Variants in TMEM71 observed in about 807,000 individuals in gnomAD.
TMEM71 encodes transmembrane protein 71.
Under a neutral mutation model 38.0 loss-of-function variants are expected in TMEM71, and 44 were observed. The ratio of observed to expected loss-of-function variants is 1.16; its 90% CI spans 0.91 to 1.49. TMEM71 has a LOEUF of 1.49. Ranked by LOEUF, TMEM71 falls within the 40% of genes most tolerant of loss-of-function variation. TMEM71 has a pLI of 0.00. For synonymous variants in TMEM71, 133 were observed against 122.5 expected (o/e 1.09, Z -0.56); for missense variants, 367 against 348.6 (o/e 1.05, Z -0.42).
the TMEM71 span, among the ~76,000 whole-genome samples, chr8:132,770,183 G>A: frequency 2.0e-5 from 3 of 152,178 alleles, no homozygotes; most frequent in African/African-American, 4.8e-5. Context: ...CTCTCATTTG[G>A]CTTGGTTTTC....
At chr8:132,747,817 G>A (rs1357218009) in intron 4 of TMEM71, among the ~76,000 whole-genome samples, 1 of 152,160 alleles carries the variant, frequency 6.6e-6, no homozygotes, top group African/African-American at 2.4e-5. Context: ...GTAAAAGGAA[G>A]GTAAGTAATG....
At chr8:132,747,413 A>G (rs1198657937) in intron 4 of TMEM71, among the ~76,000 whole-genome samples, 6 of 152,262 alleles carry the variant, frequency 3.9e-5, no homozygotes, top group Non-Finnish European at 8.8e-5. Flanking sequence ...CATCTTTCTT[A>G]GTGCTTTACA....
intron 7 of TMEM71, among the ~76,000 whole-genome samples, chr8:132,721,277 G>A (rs574150921): frequency 6.6e-6 from 1 of 152,284 alleles, no homozygotes; most frequent in East Asian, 1.9e-4. Flanking sequence ...ACAGGTCAGA[G>A]GGTAGAGAAC....
chr8:132,757,351 ATG>A, intron 2 of TMEM71, 57 bp from the exon 3 acceptor site: 1 of 1,233,620 alleles, frequency 8.1e-7, no homozygotes, highest in Non-Finnish European at 1.2e-6. Context: ...ACAGTTACAT[ATG>A]TTGATACATG....
At chr8:132,764,269 A>G (rs1462724078), upstream of TMEM71, among the ~76,000 whole-genome samples, 1 of 145,178 alleles carries the variant, frequency 6.9e-6, no homozygotes, top group Non-Finnish European at 1.5e-5. Flanking sequence ...TTACATAATG[A>G]AAAATATGAA....
intron 7 of TMEM71, among the ~76,000 whole-genome samples, chr8:132,715,326 C>G (rs1006465683): frequency 4.9e-5 from 7 of 141,766 alleles, no homozygotes; most frequent in African/African-American, 1.9e-4. Context: ...AGGAGAATGG[C>G]GTGAACCCGG....
chr8:132,718,488 C>T (rs1353764186), intron 7 of TMEM71, among the ~76,000 whole-genome samples: 2 of 150,856 alleles, frequency 1.3e-5, no homozygotes, highest in Non-Finnish European at 2.9e-5. Context: ...AGATCCACCT[C>T]CCGGGTTCAC....
At chr8:132,751,582 G>T (rs1828708979) in intron 4 of TMEM71, among the ~76,000 whole-genome samples, 1 of 152,084 alleles carries the variant, frequency 6.6e-6, no homozygotes, top group Non-Finnish European at 1.5e-5. Flanking sequence ...CCTTATAAAA[G>T]ACAGTGGGTG....
At chr8:132,721,799 G>A (rs1246228567) in intron 7 of TMEM71, among the ~76,000 whole-genome samples, 2 of 151,970 alleles carry the variant, frequency 1.3e-5, no homozygotes, top group Admixed American at 1.3e-4. Context: ...GCCTCCCAAA[G>A]TTCTCGGATT....
intron 5 of TMEM71, among the ~76,000 whole-genome samples, chr8:132,729,413 G>A (rs1827327836): frequency 1.3e-5 from 2 of 152,116 alleles, no homozygotes; most frequent in Non-Finnish European, 2.9e-5. Context: ...CACATTCCAG[G>A]GTTTAACTTT....
intron 7 of TMEM71, among the ~76,000 whole-genome samples, chr8:132,716,904 AT>A (rs1174828546): frequency 6.6e-6 from 1 of 152,134 alleles, no homozygotes; most frequent in Non-Finnish European, 1.5e-5. Context: ...CATTTATGAC[AT>A]TTGGGTTGTT....
At chr8:132,725,765 C>G (rs573545692) in intron 6 of TMEM71, among the ~76,000 whole-genome samples, 1 of 152,198 alleles carries the variant, frequency 6.6e-6, no homozygotes, top group East Asian at 1.9e-4. Context: ...CCTCCACCAG[C>G]CAGAAGGGGG....
intron 1 of TMEM71, 39 bp from the exon 2 acceptor site, chr8:132,758,954 A>C: frequency 7.6e-7 from 1 of 1,311,286 alleles, no homozygotes; most frequent in South Asian, 1.2e-5. Flanking sequence ...CTATATATTA[A>C]AAATAGAAAA....
chr8:132,724,228 T>C (rs150422257), intron 6 of TMEM71, among the ~76,000 whole-genome samples: 4,103 of 152,186 alleles, frequency 0.027, 188 homozygotes, highest in African/African-American at 0.094. Flanking sequence ...AGAGAACCGG[T>C]CTGACCTCAA....
chr8:132,722,370 G>C (rs1022736526), intron 6 of TMEM71, among the ~76,000 whole-genome samples: 1 of 152,302 alleles, frequency 6.6e-6, no homozygotes, highest in East Asian at 1.9e-4. Flanking sequence ...TATTTTCACA[G>C]TTTAGGGCTT....
chr8:132,731,945 A>G (rs1349837824), intron 5 of TMEM71, among the ~76,000 whole-genome samples: 1 of 152,180 alleles, frequency 6.6e-6, no homozygotes, highest in East Asian at 1.9e-4. Flanking sequence ...ATACCCAGAG[A>G]AGACCCCCAA....
chr8:132,719,786 G>A (rs572160293), intron 7 of TMEM71, among the ~76,000 whole-genome samples: 1 of 152,258 alleles, frequency 6.6e-6, no homozygotes, highest in South Asian at 2.1e-4. Flanking sequence ...TATTATTACT[G>A]TGGTATGTTT....
At chr8:132,733,443 G>A (rs567997725) in intron 5 of TMEM71, among the ~76,000 whole-genome samples, 38 of 152,300 alleles carry the variant, frequency 2.5e-4, no homozygotes, top group African/African-American at 8.9e-4. Flanking sequence ...CTAAGACTGC[G>A]ACTTCAAGAG....
intron 5 of TMEM71, among the ~76,000 whole-genome samples, chr8:132,731,266 G>A (rs144723504): frequency 1.5e-3 from 229 of 152,224 alleles, no homozygotes; most frequent in African/African-American, 2.2e-3. Flanking sequence ...CCCTAGTTAC[G>A]TGACCAAATG....
Sources: gnomAD v4.1 joint callset for allele counts (sites outside exome capture counted in the v4.1 genomes callset) on GRCh38, gnomAD v4.1.1 for gene constraint, MANE v1.5 for transcripts, NCBI Gene and HGNC (gene_info 2026-07-23, HGNC 2026-07-21) for gene names.